The following TEC variants were observed in gnomAD, a reference collection of about 807,000 sequenced individuals.
TEC encodes tec protein tyrosine kinase, also known as tyrosine-protein kinase Tec.
Under a neutral mutation model 93.0 loss-of-function variants are expected in TEC, and 72 were observed. The observed-to-expected ratio is 0.77, with a 90% CI of 0.64 to 0.94. TEC has a LOEUF of 0.94. Ranked by LOEUF, TEC falls within the 40% of genes least tolerant of loss-of-function variation. The pLI is 0.00. For synonymous variants in TEC, 249 were observed against 247.7 expected (o/e 1.01, Z -0.05); for missense variants, 630 against 757.9 (o/e 0.83, Z 1.98).
intron 2 of TEC, 79 bp from the exon 3 acceptor site, chr4:48,176,265 G>A (rs931563845): frequency 9.1e-7 from 1 of 1,097,414 alleles, no homozygotes; most frequent in Admixed American, 2.0e-5. Flanking sequence ...AGGAAATTTT[G>A]CTCTGATTCA....
chr4:48,191,630 CTA>C (rs991025022), intron 2 of TEC, among the ~76,000 whole-genome samples: 3 of 152,088 alleles, frequency 2.0e-5, no homozygotes, highest in African/African-American at 2.4e-5. Flanking sequence ...TTTTAAATAA[CTA>C]TTTTTAAAAG....
chr4:48,233,933 A>G (rs1473392116), intron 1 of TEC, among the ~76,000 whole-genome samples: 1 of 152,178 alleles, frequency 6.6e-6, no homozygotes, highest in Non-Finnish European at 1.5e-5. Context: ...ACAGAATGAG[A>G]AAACAATCAA....
chr4:48,203,711 T>G (rs1470884730), intron 2 of TEC, among the ~76,000 whole-genome samples: 1 of 151,970 alleles, frequency 6.6e-6, no homozygotes, highest in African/African-American at 2.4e-5. Flanking sequence ...GCATTTCAAA[T>G]GAAGGCTTTT....
intron 2 of TEC, among the ~76,000 whole-genome samples, chr4:48,181,680 AAAAAAAAG>A (rs1352674141): frequency 4.0e-5 from 5 of 125,690 alleles, no homozygotes; most frequent in South Asian, 2.4e-4. Context: ...CTCAAAAAAA[AAAAAAAAG>A]AAAAAAGAAA....
At chr4:48,153,683 C>T (rs1013166867) in intron 9 of TEC, 1 of 152,192 alleles carries the variant, frequency 6.6e-6, no homozygotes, top group African/African-American at 2.4e-5. Context: ...ACAACAACAA[C>T]AACAACTACC....
intron 2 of TEC, among the ~76,000 whole-genome samples, chr4:48,212,131 A>ATATG (rs1722932618): frequency 6.9e-6 from 1 of 144,842 alleles, no homozygotes; most frequent in Non-Finnish European, 1.5e-5. Flanking sequence ...ATATATATAT[A>ATATG]TGTATATAAA....
chr4:48,216,207 C>T (rs1169304303), intron 2 of TEC, among the ~76,000 whole-genome samples: 1 of 151,038 alleles, frequency 6.6e-6, no homozygotes, highest in Non-Finnish European at 1.5e-5. Context: ...CATTCTCACC[C>T]TTGGCCAAGT....
intron 1 of TEC, among the ~76,000 whole-genome samples, chr4:48,230,747 C>T (rs1397630448): frequency 6.6e-6 from 1 of 152,206 alleles, no homozygotes; most frequent in Non-Finnish European, 1.5e-5. Flanking sequence ...ACTTCCACCA[C>T]ACTCCAATCA....
intron 14 of TEC, among the ~76,000 whole-genome samples, chr4:48,142,904 G>A (rs568415868): frequency 1.4e-4 from 22 of 151,942 alleles, no homozygotes; most frequent in Non-Finnish European, 2.5e-4. Flanking sequence ...GGATGGTCTC[G>A]ATCTCTTGAC....
chr4:48,263,844 T>A (rs1166377679), intron 1 of TEC, among the ~76,000 whole-genome samples: 3 of 152,184 alleles, frequency 2.0e-5, no homozygotes, highest in African/African-American at 7.2e-5. Context: ...GAGTTGTATA[T>A]GAAGGCATCT....
chr4:48,257,674 T>C (rs767511438), intron 1 of TEC, among the ~76,000 whole-genome samples: 2 of 152,206 alleles, frequency 1.3e-5, no homozygotes, highest in Admixed American at 6.5e-5. Context: ...TGGCACATCA[T>C]ATATGCCCAA....
intron 8 of TEC, among the ~76,000 whole-genome samples, chr4:48,158,837 T>C (rs1720506638): frequency 6.6e-6 from 1 of 152,194 alleles, no homozygotes; most frequent in Admixed American, 6.5e-5. Flanking sequence ...GGAAGGCTCT[T>C]GAAAATCCTG....
At position 48,139,500 on chromosome 4, in the gene TEC, T is replaced by G. The variant is rs536538883; in HGVS notation, c.1536-478A>C. ...AACTACAGCATATGAAAATAGCAAA[T>G]GCAAAAAAACAAAAACAAAAACACA... On this transcript the variant is annotated intron_variant, in intron 15 of 17. Coordinates refer to ENST00000381501, the MANE Select transcript of TEC (RefSeq NM_003215.3). 2.0e-5 allele frequency among the ~76,000 whole-genome samples: 3 copies of G among 151,698 alleles called. No individual in the cohort carries two copies. The South Asian group carries it at 6.2e-4, about 31-fold the overall frequency.
At chr4:48,185,910 C>G (rs558812547) in intron 2 of TEC, among the ~76,000 whole-genome samples, 4 of 151,612 alleles carry the variant, frequency 2.6e-5, no homozygotes, top group African/African-American at 4.8e-5. Context: ...TTGTGAAAGC[C>G]GAGGCTGGAC....
chr4:48,254,542 G>A (rs567541621), intron 1 of TEC, among the ~76,000 whole-genome samples: 1 of 152,332 alleles, frequency 6.6e-6, no homozygotes, highest in South Asian at 2.1e-4. Flanking sequence ...GGAGGCTTGA[G>A]AGTACATAGA....
rs79518735 is a variant in TEC, at chr4:48,223,654, A to G, written c.138+4823T>C. On this transcript the variant is annotated intron_variant, in intron 2 of 17. Coordinates refer to ENST00000381501, the MANE Select transcript of TEC (RefSeq NM_003215.3). ...TCATTTTTACTACTAATGTGCAGAA[A>G]AGAGTTAACACAGCAGGCTTGAGGC... Among the ~76,000 whole-genome samples the G allele has an allele frequency of 7.0e-3, 1,071 of 152,314 alleles. 11 individuals carry two copies. The highest frequency in any genetic ancestry group is 0.024 in the African/African-American group (1,010 of 41,570).
At chr4:48,165,667 A>G (rs1413529719) in intron 7 of TEC, among the ~76,000 whole-genome samples, 1 of 152,200 alleles carries the variant, frequency 6.6e-6, no homozygotes, top group African/African-American at 2.4e-5. Flanking sequence ...CAAGAAACAC[A>G]GGCATATTAA....
intron 1 of TEC, among the ~76,000 whole-genome samples, chr4:48,266,425 C>T (rs1724639416): frequency 6.6e-6 from 1 of 152,102 alleles, no homozygotes; most frequent in African/African-American, 2.4e-5. Context: ...TTGAGGAAAA[C>T]GAAATTGACA....
intron 3 of TEC, among the ~76,000 whole-genome samples, chr4:48,173,774 G>T (rs1257016897): frequency 6.6e-6 from 1 of 152,116 alleles, no homozygotes; most frequent in Non-Finnish European, 1.5e-5. Flanking sequence ...GACAGATCTG[G>T]GTTTGAAGCC....
Sources: gnomAD v4.1 joint callset for allele counts (sites outside exome capture counted in the v4.1 genomes callset) on GRCh38, gnomAD v4.1.1 for gene constraint, MANE v1.5 for transcripts, NCBI Gene and HGNC (gene_info 2026-07-23, HGNC 2026-07-21) for gene names.